P2RX5: variants seen among roughly 807,000 people sequenced by gnomAD.
The protein encoded by P2RX5 is P2X purinoceptor 5.
A neutral mutation model predicts 54.1 loss-of-function variants in P2RX5; 46 were observed. That is an observed-to-expected ratio of 0.85 (90% CI 0.67 to 1.09). P2RX5 has a LOEUF of 1.09. Among genes scored for constraint, P2RX5 ranks in the 50% least tolerant of loss-of-function variants. The pLI is 0.00. For synonymous variants in P2RX5, 226 were observed against 226.4 expected, an observed-to-expected ratio of 1.00 and a Z score of 0.02; for missense variants, 566 against 549.8, an observed-to-expected ratio of 1.03 and a Z score of -0.29.
upstream of P2RX5, among the ~76,000 whole-genome samples, chr17:3,696,868 T>G (rs1000942879): frequency 2.0e-5 from 3 of 152,098 alleles, no homozygotes; most frequent in Non-Finnish European, 2.9e-5. Flanking sequence ...GTTTCTCCAT[T>G]CACCTCGCGC....
At chr17:3,718,803 T>G in the P2RX5 span, among the ~76,000 whole-genome samples, 1 of 152,248 alleles carries the variant, frequency 6.6e-6, no homozygotes, top group Admixed American at 6.5e-5. Flanking sequence ...ATTTTTCATT[T>G]GGTACCATTC....
chr17:3,689,616 T>C lies in P2RX5; in HGVS notation c.629A>G (p.Asp210Gly), dbSNP rs1342416252. The change falls in exon 7 of 12, where the codon GAC (aspartate) becomes GGC (glycine). Residue 210 changes from aspartate (D) to glycine (G), a missense_variant. Asp to Gly is a moderately conservative substitution (Grantham distance 94). Coordinates refer to ENST00000225328, the MANE Select transcript of P2RX5 (RefSeq NM_002561.4). ...TTTCAGGAAAGATCTGTCCTTGACG[T>C]CCATCACATTGCTTCTGGGTGGAGG... ...KFNFSKSNVM[D>G]VKDRSFLKSC... is the part of the protein sequence containing the mutation. 6.2e-7 allele frequency: 1 copy of C among 1,614,148 alleles called. No individual in the cohort carries two copies. Among genetic ancestry groups the C allele is most frequent in the South Asian group, 1.1e-5 (1 of 91,086 alleles).
At chr17:3,702,028 C>T in the P2RX5 span, among the ~76,000 whole-genome samples, 1 of 152,176 alleles carries the variant, frequency 6.6e-6, no homozygotes, top group African/African-American at 2.4e-5. Context: ...ATCCACCCAC[C>T]TGGGCCTCCC....
the P2RX5 span, among the ~76,000 whole-genome samples, chr17:3,713,772 ATAAAAAT>A: frequency 2.0e-5 from 3 of 151,996 alleles, no homozygotes; most frequent in Non-Finnish European, 2.9e-5. Context: ...ATAAAGTAAA[ATAAAAAT>A]TAAAAAATAA....
chr17:3,703,539 A>G, the P2RX5 span, among the ~76,000 whole-genome samples: 1 of 151,988 alleles, frequency 6.6e-6, no homozygotes, highest in South Asian at 2.1e-4. Context: ...AAAAAGAAAA[A>G]GAAAACTCCT....
the P2RX5 span, chr17:3,716,883 C>T: frequency 6.5e-6 from 5 of 768,112 alleles, no homozygotes; most frequent in African/African-American, 6.9e-5. Context: ...GAGCAAAATA[C>T]GAGGACTTGG....
chr17:3,690,648 C>G lies in P2RX5; in HGVS notation c.393G>C (p.Lys131Asn), dbSNP rs2050587532. The part of the protein sequence containing the change: ...NEGIPDGACS[K>N]DSDCHAGEAV... Reference sequence around the variant, plus strand: ...CTTCCCCAGCGTGGCAGTCGCTGTCCTTGGAGCACGCGCCATCAGGAATGC... The same window carrying G: ...CTTCCCCAGCGTGGCAGTCGCTGTCGTTGGAGCACGCGCCATCAGGAATGC... The change falls in exon 4 of 12, where the codon AAG (lysine) becomes AAC (asparagine). Residue 131 changes from lysine to asparagine, a missense_variant. Lys to Asn is a moderately conservative substitution (Grantham distance 94, BLOSUM62 0). Coordinates refer to ENST00000225328, the MANE Select transcript of P2RX5 (RefSeq NM_002561.4). 2 of 1,613,290 alleles carry G rather than the reference C, an allele frequency of 1.2e-6. No individual in the cohort carries two copies. Among genetic ancestry groups the G allele is most frequent in the African/African-American group, 2.7e-5 (2 of 74,944 alleles).
the P2RX5 span, among the ~76,000 whole-genome samples, chr17:3,719,345 C>T: frequency 6.6e-6 from 1 of 152,056 alleles, no homozygotes; most frequent in South Asian, 2.1e-4. Flanking sequence ...TCTCCTCCTC[C>T]AGGGAGGAAA....
chr17:3,681,570 T>C (rs1041970719), intron 10 of P2RX5, among the ~76,000 whole-genome samples: 1 of 152,156 alleles, frequency 6.6e-6, no homozygotes, highest in Non-Finnish European at 1.5e-5. Context: ...ACAGAAGTGC[T>C]GCAGACACCA....
intron 6 of P2RX5, among the ~76,000 whole-genome samples, 181 bp downstream of exon 6, chr17:3,689,889 C>T (rs1351841342): frequency 2.0e-5 from 3 of 149,882 alleles, no homozygotes; most frequent in Non-Finnish European, 4.4e-5. Flanking sequence ...CGCACACACA[C>T]AAACGCACGC....
rs191553822 is a variant in P2RX5, at chr17:3,691,049, G to A, written c.289-22C>T. On this transcript the variant is annotated intron_variant, in intron 2 of 11. Coordinates refer to ENST00000225328, the MANE Select transcript of P2RX5 (RefSeq NM_002561.4). Reference sequence around the variant, plus strand: ...CTCCCTAAGGAACCAGAGAGGCACTGAGGAACCTCCTCCTGCCCCTTAGGG... The same window carrying A: ...CTCCCTAAGGAACCAGAGAGGCACTAAGGAACCTCCTCCTGCCCCTTAGGG... 1,861 of 1,584,086 alleles carry A rather than the reference G, an allele frequency of 1.2e-3. 27 individuals are homozygous for A. In the South Asian group the frequency reaches 0.016, roughly 14 times the overall value.
intron 11 of P2RX5, chr17:3,675,483 C>G: frequency 4.1e-6 from 4 of 985,288 alleles, no homozygotes; most frequent in Non-Finnish European, 3.6e-6. Flanking sequence ...TAAAAGTCAC[C>G]AAGTTATAAA....
At chr17:3,710,991 G>C in the P2RX5 span, among the ~76,000 whole-genome samples, 6,331 of 152,282 alleles carry the variant, frequency 0.042, 176 homozygotes, top group Middle Eastern at 0.11. Context: ...AGTTCAGCGG[G>C]TCCCAGCTCA....
rs571897312 is a variant in P2RX5, at chr17:3,691,716, G to A, written c.216C>T (p.Gly72=). 2.0e-5 allele frequency: 33 copies of A among 1,614,218 alleles called. 1 individual carries two copies. Among genetic ancestry groups the A allele is most frequent in the South Asian group, 2.0e-4 (18 of 91,088 alleles). The change falls in exon 2 of 12, where the codon GGC becomes GGT. Residue 72 remains glycine (G), a synonymous_variant. Coordinates refer to ENST00000225328, the MANE Select transcript of P2RX5 (RefSeq NM_002561.4). ...LQSAVITKVK[G]VAFTNTSDLG... ...GATCCGAGGTGTTGGTGAAGGCCAC[G>A]CCCTTGACTTTGGTGATGACAGCAC...
the P2RX5 span, among the ~76,000 whole-genome samples, chr17:3,716,254 A>G: frequency 7.6e-6 from 1 of 132,100 alleles, no homozygotes. Flanking sequence ...TAGCAGTAGA[A>G]GAGTTTGCAC....
chr17:3,716,235 G>A, the P2RX5 span, among the ~76,000 whole-genome samples: 5 of 150,408 alleles, frequency 3.3e-5, no homozygotes, highest in African/African-American at 9.7e-5. Flanking sequence ...GAGAGGAGAG[G>A]ATCTTAAATA....
At chr17:3,720,861 G>A in the P2RX5 span, among the ~76,000 whole-genome samples, 404 of 152,218 alleles carry the variant, frequency 2.7e-3, 3 homozygotes, top group African/African-American at 8.8e-3. Flanking sequence ...GGGATTACAG[G>A]CGTGAGCTGC....
chr17:3,720,389 A>C, the P2RX5 span: 1 of 1,521,860 alleles, frequency 6.6e-7, no homozygotes, highest in Admixed American at 1.7e-5. Context: ...CAGTTCAGTT[A>C]CATCTTTTAG....
chr17:3,720,403 C>A, the P2RX5 span: 1 of 1,384,268 alleles, frequency 7.2e-7, no homozygotes, highest in Non-Finnish European at 1.0e-6. Flanking sequence ...CTTTTAGTAA[C>A]TAGAAGATGG....
Sources: gnomAD v4.1 joint callset for allele counts (sites outside exome capture counted in the v4.1 genomes callset) on GRCh38, gnomAD v4.1.1 for gene constraint, MANE v1.5 for transcripts, NCBI Gene and HGNC (gene_info 2026-07-23, HGNC 2026-07-21) for gene names.